The following KIAA1614 variants were observed in gnomAD, a reference collection of about 807,000 sequenced individuals.
The protein encoded by KIAA1614 is uncharacterized protein KIAA1614.
A neutral mutation model predicts 88.7 loss-of-function variants in KIAA1614; 76 were observed. The ratio of observed to expected loss-of-function variants is 0.86; its 90% confidence interval spans 0.71 to 1.04. The LOEUF is 1.04. Among genes scored for constraint, KIAA1614 ranks in the 50% least tolerant of loss-of-function variants. The pLI is 0.00. For synonymous variants in KIAA1614, 714 were observed against 675.5 expected (o/e 1.06, Z -0.88); for missense variants, 1,553 against 1,582.5 (o/e 0.98, Z 0.32).
At position 180,920,133 on chromosome 1, in the gene KIAA1614, T is replaced by A. The variant is rs564722098; in HGVS notation, c.1061+2219T>A. Among the ~76,000 whole-genome samples, 78 of 152,310 alleles carry A rather than the reference T, an allele frequency of 5.1e-4. 4 individuals are homozygous for A. The South Asian group carries it at 0.016, about 31-fold the overall frequency. On this transcript the variant is annotated intron_variant, in intron 3 of 8. Transcript: ENST00000367588. The stretch of plus-strand genomic sequence containing the variant: ...TAGACGCCCAGGCTATAGGGCCATG[T>A]CTTGAAGCCCCTCAGATAGGGTTCC...
intron 3 of KIAA1614, among the ~76,000 whole-genome samples, chr1:180,920,237 C>T (rs751519299): frequency 3.3e-4 from 50 of 152,206 alleles, no homozygotes; most frequent in Non-Finnish European, 5.9e-4. Flanking sequence ...CCTCTCTCCC[C>T]GGAGCAGGAT....
intron 6 of KIAA1614, among the ~76,000 whole-genome samples, chr1:180,939,111 G>A (rs1182496764): frequency 2.6e-5 from 4 of 152,176 alleles, no homozygotes; most frequent in African/African-American, 9.7e-5. Context: ...AGGCAGAGCT[G>A]GGGGGAGAAG....
chr1:180,934,738 A>T (rs1654276663), intron 4 of KIAA1614, among the ~76,000 whole-genome samples: 1 of 152,222 alleles, frequency 6.6e-6, no homozygotes, highest in Non-Finnish European at 1.5e-5. Context: ...GGTCAGGCTC[A>T]CTTCCTCTCC....
Position 180,938,557 on chromosome 1 carries a change from G to A in KIAA1614, c.2764G>A (p.Gly922Arg), listed in dbSNP as rs1016469033. ...EPPLENSRDG[G>R]PQGFLGSADV... ...GTGGGATGCTGTGCTTGTTTCAGGA[G>A]GACCCCAGGGCTTTCTTGGCTCAGC... Residue 922 changes from glycine (G) to arginine (R), a missense_variant and splice_region_variant, in exon 6 of 9, where the codon GGA becomes AGA. Coordinates refer to ENST00000367588, the MANE Select transcript of KIAA1614 (RefSeq NM_020950.2). 4 of 1,613,748 alleles carry A rather than the reference G, an allele frequency of 2.5e-6. No individual in the cohort carries two copies. Among genetic ancestry groups the A allele is most frequent in the Non-Finnish European group, 3.4e-6 (4 of 1,179,804 alleles).
chr1:180,936,171 G>A lies in KIAA1614; in HGVS notation c.2262G>A (p.Thr754=), dbSNP rs201220751. The change falls in exon 5 of 9, where the codon ACG becomes ACA. Residue 754 remains threonine (T), a synonymous_variant. Coordinates refer to ENST00000367588, the MANE Select transcript of KIAA1614 (RefSeq NM_020950.2). ...RTAYATTAPM[T]PESSGPGGQA... Reference sequence around the variant, plus strand: ...CCTATGCCACCACCGCCCCCATGACGCCTGAATCATCGGGGCCAGGAGGCC... The same window carrying A: ...CCTATGCCACCACCGCCCCCATGACACCTGAATCATCGGGGCCAGGAGGCC... 3.1e-6 allele frequency: 5 copies of A among 1,614,008 alleles called. No homozygotes were observed. Among genetic ancestry groups the A allele is most frequent in the East Asian group, 2.2e-5 (1 of 44,898 alleles).
chr1:180,944,598 C>T, intron 8 of KIAA1614, 82 bp downstream of exon 8: 1 of 1,469,376 alleles, frequency 6.8e-7, no homozygotes, highest in Non-Finnish European at 9.3e-7. Flanking sequence ...CCTGCCTCAG[C>T]ATCATGGCTC....
At position 180,917,839 on chromosome 1, in the gene KIAA1614, T is replaced by C. The variant is rs761407358; in HGVS notation, c.998-12T>C. On this transcript the variant is annotated splice_polypyrimidine_tract_variant and intron_variant, in intron 2 of 8. Coordinates refer to ENST00000367588, the MANE Select transcript of KIAA1614 (RefSeq NM_020950.2). ...GCTCTGTCCTGATCTCTGCTTCTGTTCTGGATCCTAGAGCGACCAGTGGGG... is the reference window on the plus strand; with the variant it reads ...GCTCTGTCCTGATCTCTGCTTCTGTCCTGGATCCTAGAGCGACCAGTGGGG... The C allele has an allele frequency of 1.2e-6, 2 of 1,613,122 alleles. No homozygotes were observed. The highest frequency in any genetic ancestry group is 2.7e-5 in the African/African-American group (2 of 74,894).
chr1:180,923,626 G>A (rs1180296221), intron 3 of KIAA1614, among the ~76,000 whole-genome samples: 1 of 152,192 alleles, frequency 6.6e-6, no homozygotes, highest in Non-Finnish European at 1.5e-5. Context: ...GAACTGTGCT[G>A]TTCTTGTCTC....
rs1328486513 is a variant in KIAA1614 at position 180,925,343 on chromosome 1, C to T, written c.1062-3087C>T. Among the ~76,000 whole-genome samples, 9 of 152,322 alleles carry T rather than the reference C, an allele frequency of 5.9e-5. No homozygotes were observed. In the East Asian group the frequency reaches 1.2e-3, roughly 20 times the overall value. On this transcript the variant is annotated intron_variant, in intron 3 of 8. Coordinates refer to ENST00000367588, the MANE Select transcript of KIAA1614 (RefSeq NM_020950.2). ...GTGGTCATCAGAAAGCTTTCAAATA[C>T]GCAAACATGGAACAAATGCTAAGCA...
rs536695660 is a variant in KIAA1614, at chr1:180,950,204, C to T, written c.*4616C>T. 5.4e-4 allele frequency: 202 copies of T among 375,338 alleles called. No individual in the cohort carries two copies. Among genetic ancestry groups the T allele is most frequent in the Non-Finnish European group, 7.4e-4 (172 of 233,642 alleles). The allele number at this position is 375,338 out of a possible 1,614,324, so 23.3% of individuals were successfully genotyped here. On this transcript the variant is annotated 3_prime_UTR_variant, in exon 9 of 9. Coordinates refer to ENST00000367588, the MANE Select transcript of KIAA1614 (RefSeq NM_020950.2). The stretch of plus-strand genomic sequence containing the variant: ...TGAGGGGTGTGTGTATGTGTGCATG[C>T]GCACAGAGAAGTGCCTGGTATGAGC...
At chr1:180,931,847 A>G (rs1415762187) in intron 4 of KIAA1614, among the ~76,000 whole-genome samples, 1 of 152,130 alleles carries the variant, frequency 6.6e-6, no homozygotes, top group East Asian at 1.9e-4. Context: ...CTGCCAGCGG[A>G]CAGGGCACTA....
At chr1:180,943,713 A>G (rs1251561812) in intron 7 of KIAA1614, among the ~76,000 whole-genome samples, 3 of 151,498 alleles carry the variant, frequency 2.0e-5, no homozygotes, top group Non-Finnish European at 4.4e-5. Flanking sequence ...ATGCCCGGCT[A>G]ATTTTTGTAA....
In KIAA1614 at chr1:180,948,267, G is replaced by C. The variant is rs1234514530; in HGVS notation, c.*2679G>C. ...TCTTCCAGGCTCCAAGGGGCTGTGA[G>C]GAGGGCTGGCTTGCGCCCCGCACTG... On this transcript the variant is annotated 3_prime_UTR_variant, in exon 9 of 9. Transcript: ENST00000367588. The C allele has an allele frequency of 6.6e-6, 1 of 152,292 alleles. No homozygotes were observed. The highest frequency in any genetic ancestry group is 1.5e-5 in the Non-Finnish European group (1 of 68,070). 9.4% of individuals were successfully genotyped at this position (152,292 alleles called of 1,614,324 possible). A position where few individuals can be genotyped will look rare whatever the true frequency, so the allele number is the denominator to read the frequency against.
rs950760800 is a variant in KIAA1614, at chr1:180,936,131, C to T, written c.2222C>T (p.Thr741Ile). ...SHQPHPLDSR[T>I]PCRTAYATTA... Reference sequence around the variant, plus strand: ...CAGCCTCACCCTTTGGATTCCCGGACTCCATGCAGGACAGCCTATGCCACC... The same window carrying T: ...CAGCCTCACCCTTTGGATTCCCGGATTCCATGCAGGACAGCCTATGCCACC... The change falls in exon 5 of 9, where the codon ACT (threonine) becomes ATT (isoleucine). Residue 741 changes from threonine to isoleucine, a missense_variant. Physicochemically the swap from Thr to Ile is moderately conservative, Grantham distance 89. Transcript: ENST00000367588. 4 of 1,614,156 alleles carry T rather than the reference C, an allele frequency of 2.5e-6. No homozygotes were observed. Among genetic ancestry groups the T allele is most frequent in the Non-Finnish European group, 3.4e-6 (4 of 1,180,016 alleles).
chr1:180,914,640 T>G (rs1653738005), intron 1 of KIAA1614, among the ~76,000 whole-genome samples: 1 of 151,638 alleles, frequency 6.6e-6, no homozygotes, highest in Non-Finnish European at 1.5e-5. Context: ...ACCTCCGCCT[T>G]CTGGGTTCAA....
chr1:180,944,985 C>G (rs942576897), intron 8 of KIAA1614: 8 of 372,378 alleles, frequency 2.1e-5, no homozygotes, highest in Non-Finnish European at 2.4e-5. Context: ...TGTATGTTAG[C>G]TCCTGGAAAT....
chr1:180,945,665 G>A lies in KIAA1614; in HGVS notation c.*77G>A. ...TCCCCTCAGGGGCTCTTTCTGAATT[G>A]TCCAGGGCTCTCTAGGAGTCTGCAC... On this transcript the variant is annotated 3_prime_UTR_variant, in exon 9 of 9. Transcript: ENST00000367588. 2.0e-6 allele frequency: 3 copies of A among 1,483,198 alleles called. No homozygotes were observed. Among genetic ancestry groups the A allele is most frequent in the Non-Finnish European group, 2.7e-6 (3 of 1,125,594 alleles). The allele number at this position is 1,483,198 out of a possible 1,614,324, so 91.9% of individuals were successfully genotyped here.
At chr1:180,923,071 G>A (rs887735418) in intron 3 of KIAA1614, among the ~76,000 whole-genome samples, 1 of 152,196 alleles carries the variant, frequency 6.6e-6, no homozygotes, top group African/African-American at 2.4e-5. Flanking sequence ...GCCATGTGAG[G>A]AGAGGCATGG....
chr1:180,924,064 A>G (rs536083642), intron 3 of KIAA1614, among the ~76,000 whole-genome samples: 2 of 152,282 alleles, frequency 1.3e-5, no homozygotes, highest in East Asian at 1.9e-4. Flanking sequence ...AGGAAGCCCT[A>G]TCACAAACCC....
Sources: allele counts gnomAD v4.1 joint callset (sites outside exome capture counted in the v4.1 genomes callset), GRCh38; gene constraint gnomAD v4.1.1; transcripts MANE v1.5; gene names NCBI Gene and HGNC (gene_info 2026-07-23, HGNC 2026-07-21).